The following STAMBP variants were observed in gnomAD, a reference collection of about 807,000 sequenced individuals.
STAMBP encodes STAM-binding protein.
STAMBP carries 31 observed loss-of-function variants against 50.7 expected under a neutral mutation model. The observed-to-expected ratio is 0.61, with a 90% CI of 0.46 to 0.83. STAMBP has a LOEUF of 0.83. Ranked by LOEUF, STAMBP falls within the 40% of genes least tolerant of loss-of-function variation. STAMBP has a pLI of 0.00. For synonymous variants in STAMBP, 211 were observed against 192.4 expected (o/e 1.10, Z -0.80); for missense variants, 472 against 518.9 (o/e 0.91, Z 0.88).
chr2:73,829,303 C>T lies in STAMBP; in HGVS notation c.-220C>T, dbSNP rs960318759. The T allele has an allele frequency of 6.6e-6, 1 of 152,338 alleles. No individual in the cohort carries two copies. Among genetic ancestry groups the T allele is most frequent in the East Asian group, 1.9e-4 (1 of 5,204 alleles). 9.4% of individuals were successfully genotyped at this position (152,338 alleles called of 1,614,324 possible). The stretch of plus-strand genomic sequence containing the variant: ...TCCTCAAGCAGTTGTCGATAGAGCC[C>T]TCCCTACTGTATACGCCCCCTCCGC... On this transcript the variant is annotated 5_prime_UTR_variant, in exon 1 of 10. Transcript: ENST00000394070.
At chr2:73,849,214 G>T in intron 5 of STAMBP, 149 bp from the exon 6 acceptor site, 3 of 1,082,722 alleles carry the variant, frequency 2.8e-6, no homozygotes, top group Non-Finnish European at 4.0e-6. Context: ...CCCTTTTTTT[G>T]GTGCCATTAG....
chr2:73,852,392 G>GA (rs772474048), intron 7 of STAMBP, among the ~76,000 whole-genome samples: 5 of 152,158 alleles, frequency 3.3e-5, no homozygotes, highest in Non-Finnish European at 5.9e-5. Context: ...AGGTATTGAT[G>GA]AGATATTAAA....
At chr2:73,861,170 G>A (rs960070988) in intron 9 of STAMBP, among the ~76,000 whole-genome samples, 2 of 152,210 alleles carry the variant, frequency 1.3e-5, no homozygotes, top group African/African-American at 4.8e-5. Flanking sequence ...CCAAAAGGGA[G>A]CATTCTTCTC....
At chr2:73,837,979 A>G (rs1271787513) in intron 2 of STAMBP, among the ~76,000 whole-genome samples, 1 of 152,172 alleles carries the variant, frequency 6.6e-6, no homozygotes, top group African/African-American at 2.4e-5. Flanking sequence ...TGTTTGAAAA[A>G]GGAGAGTAGC....
chr2:73,869,276 C>T (rs1269810296), downstream of STAMBP, among the ~76,000 whole-genome samples: 1 of 152,154 alleles, frequency 6.6e-6, no homozygotes, highest in African/African-American at 2.4e-5. Flanking sequence ...TAATTCAGCA[C>T]ATAGCAACTA....
intron 2 of STAMBP, among the ~76,000 whole-genome samples, chr2:73,836,676 C>T (rs924713372): frequency 3.9e-5 from 6 of 152,226 alleles, no homozygotes; most frequent in Non-Finnish European, 8.8e-5. Context: ...GAGCAGTGGC[C>T]GCCGGCTGGG....
intron 4 of STAMBP, among the ~76,000 whole-genome samples, chr2:73,846,451 A>C (rs558589409): frequency 6.6e-6 from 1 of 151,778 alleles, no homozygotes; most frequent in Non-Finnish European, 1.5e-5. Flanking sequence ...AAATACAAAA[A>C]TTAGCTGGGT....
chr2:73,846,578 G>C (rs528640861), intron 4 of STAMBP, among the ~76,000 whole-genome samples: 1 of 151,288 alleles, frequency 6.6e-6, no homozygotes, highest in Admixed American at 6.6e-5. Context: ...AGTGAGCCAT[G>C]ATTGACCACT....
chr2:73,856,404 A>G (rs1379106241), intron 7 of STAMBP, among the ~76,000 whole-genome samples: 1 of 152,228 alleles, frequency 6.6e-6, no homozygotes, highest in Non-Finnish European at 1.5e-5. Context: ...TTGGGTATGT[A>G]CCATCTGTTC....
At position 73,847,548 on chromosome 2, in the gene STAMBP, G is replaced by A; in HGVS notation, c.537G>A (p.Leu179=). The A allele has an allele frequency of 6.2e-7, 1 of 1,614,172 alleles. No individual in the cohort carries two copies. The highest frequency in any genetic ancestry group is 8.5e-7 in the Non-Finnish European group (1 of 1,180,038). ...ACCAGGAGCTAGAAAAAGAGCGACT[G>A]AAAATTGTACAGGAGTTTGGGAAGG... is the stretch of plus-strand genomic sequence containing the variant. ...IRNQELEKER[L]KIVQEFGKVD... Residue 179 remains leucine (L), a synonymous_variant, in exon 5 of 10, where the codon CTG becomes CTA. Transcript: ENST00000394070.
chr2:73,847,234 A>G (rs1051500959), intron 4 of STAMBP, among the ~76,000 whole-genome samples, 153 bp from the exon 5 acceptor site: 7 of 152,186 alleles, frequency 4.6e-5, no homozygotes, highest in African/African-American at 1.7e-4. Flanking sequence ...CTCCGTGGGT[A>G]TAAAGATACT....
intron 2 of STAMBP, among the ~76,000 whole-genome samples, chr2:73,839,836 G>T (rs551787542): frequency 6.6e-6 from 1 of 152,070 alleles, no homozygotes; most frequent in Admixed American, 6.5e-5. Context: ...TCTGTTCTGC[G>T]ACTTGCTTTC....
intron 2 of STAMBP, among the ~76,000 whole-genome samples, chr2:73,839,836 G>A (rs551787542): frequency 3.3e-5 from 5 of 152,188 alleles, no homozygotes; most frequent in Non-Finnish European, 7.4e-5. Context: ...TCTGTTCTGC[G>A]ACTTGCTTTC....
At chr2:73,835,836 T>C (rs889256350) in intron 2 of STAMBP, among the ~76,000 whole-genome samples, 1 of 152,096 alleles carries the variant, frequency 6.6e-6, no homozygotes, top group Non-Finnish European at 1.5e-5. Flanking sequence ...TTGAGATGCC[T>C]GTGAGATATC....
Position 73,845,253 on chromosome 2 carries a change from TGAA to T in STAMBP, c.370_372del (p.Glu124del), listed in dbSNP as rs1273868843. On this transcript the variant is annotated inframe_deletion, in exon 4 of 10. Transcript: ENST00000394070. ...ATACCAAAGAATATACAGAATATAA[TGAA>T]GAAAAGGTCAGTATATAACAGCTAA... 1 of 1,611,434 alleles carries T rather than the reference TGAA, an allele frequency of 6.2e-7. No homozygotes were observed. The highest frequency in any genetic ancestry group is 8.5e-7 in the Non-Finnish European group (1 of 1,177,770).
At chr2:73,854,602 A>T (rs1387721429) in intron 7 of STAMBP, among the ~76,000 whole-genome samples, 1 of 152,146 alleles carries the variant, frequency 6.6e-6, no homozygotes, top group Non-Finnish European at 1.5e-5. Context: ...CAGCCTCCTG[A>T]GTAGCTAAGA....
intron 2 of STAMBP, among the ~76,000 whole-genome samples, chr2:73,833,125 G>A (rs1674170078): frequency 6.6e-6 from 1 of 152,198 alleles, no homozygotes; most frequent in Non-Finnish European, 1.5e-5. Context: ...AGCCTGATTG[G>A]CTACAGTTAT....
chr2:73,840,316 T>G (rs965023160), intron 2 of STAMBP, among the ~76,000 whole-genome samples: 1 of 151,358 alleles, frequency 6.6e-6, no homozygotes, highest in African/African-American at 2.4e-5. Context: ...GGGGTTTGTT[T>G]TTTTTTTTTT....
At chr2:73,839,589 ATGT>A (rs754586763) in intron 2 of STAMBP, among the ~76,000 whole-genome samples, 22 of 152,368 alleles carry the variant, frequency 1.4e-4, no homozygotes, top group Non-Finnish European at 2.2e-4. Flanking sequence ...TAATGCATCC[ATGT>A]TAAAGAACCT....
Sources: allele counts gnomAD v4.1 joint callset (sites outside exome capture counted in the v4.1 genomes callset), GRCh38; gene constraint gnomAD v4.1.1; transcripts MANE v1.5; gene names NCBI Gene and HGNC (gene_info 2026-07-23, HGNC 2026-07-21).